The following ASIC2 variants were observed in gnomAD, a reference collection of about 807,000 sequenced individuals.
The protein encoded by ASIC2 is acid sensing ion channel subunit 2.
A neutral mutation model predicts 57.3 loss-of-function variants in ASIC2; 25 were observed. The ratio of observed to expected loss-of-function variants is 0.44; its 90% CI spans 0.32 to 0.61. ASIC2 has a LOEUF of 0.61. Ranked by LOEUF, ASIC2 falls within the 20% of genes least tolerant of loss-of-function variation. The pLI is 0.06. For missense variants in ASIC2, 641 were observed against 738.1 expected (o/e 0.87, Z 1.52); for synonymous variants, 319 against 307.5 (o/e 1.04, Z -0.39).
At chr17:33,748,481 A>T (rs548585696) in intron 1 of ASIC2, among the ~76,000 whole-genome samples, 8 of 152,366 alleles carry the variant, frequency 5.3e-5, no homozygotes, top group African/African-American at 1.9e-4. Flanking sequence ...AGTCCTGAGA[A>T]ATAATGGTGC....
chr17:33,964,799 C>T (rs1207858897), intron 1 of ASIC2, among the ~76,000 whole-genome samples: 1 of 152,204 alleles, frequency 6.6e-6, no homozygotes, highest in African/African-American at 2.4e-5. Context: ...CAGCCGCCTG[C>T]GGTGGTGGGA....
At chr17:33,120,281 AG>A (rs2092296748) in intron 1 of ASIC2, among the ~76,000 whole-genome samples, 1 of 152,168 alleles carries the variant, frequency 6.6e-6, no homozygotes, top group African/African-American at 2.4e-5. Context: ...CCAAGACTGA[AG>A]CACAGCCGGG....
At chr17:33,817,966 C>CAG (rs1912636482) in intron 1 of ASIC2, among the ~76,000 whole-genome samples, 6 of 152,080 alleles carry the variant, frequency 3.9e-5, no homozygotes, top group African/African-American at 1.4e-4. Context: ...TTTCGGGGTA[C>CAG]CACATTTCTT....
At chr17:34,084,396 T>C (rs1167164799) in intron 1 of ASIC2, among the ~76,000 whole-genome samples, 1 of 152,276 alleles carries the variant, frequency 6.6e-6, no homozygotes, top group Non-Finnish European at 1.5e-5. Flanking sequence ...TCTGTTCCAT[T>C]GATCTATATC....
At chr17:34,039,928 C>G (rs1179439595) in intron 1 of ASIC2, 1 of 1,465,914 alleles carries the variant, frequency 6.8e-7, no homozygotes, top group Non-Finnish European at 9.5e-7. Context: ...GGGACCCCGA[C>G]CCGACCCGGC....
At chr17:33,613,998 T>C (rs1032902242) in intron 1 of ASIC2, among the ~76,000 whole-genome samples, 3 of 152,332 alleles carry the variant, frequency 2.0e-5, no homozygotes, top group Non-Finnish European at 4.4e-5. Context: ...GATTCTTGGG[T>C]TGAATGGGAT....
rs1433111830 is a variant in ASIC2 at position 33,637,121 on chromosome 17, A to AT, written c.555+518856dup. 3.3e-5 allele frequency among the ~76,000 whole-genome samples: 5 copies of AT among 151,852 alleles called. No individual in the cohort carries two copies. The East Asian group carries it at 9.6e-4, about 29-fold the overall frequency. ...AAGCTCCCTTAGAAAAAAAGCTAAG[A>AT]TTTTTTTCTAAGCTCAGAGGCTAAA... On this transcript the variant is annotated intron_variant, in intron 1 of 9. Coordinates refer to the ASIC2 transcript ENST00000359872.
intron 1 of ASIC2, among the ~76,000 whole-genome samples, chr17:33,751,626 C>A (rs1275385360): frequency 2.0e-5 from 3 of 152,084 alleles, no homozygotes; most frequent in African/African-American, 2.4e-5. Context: ...CCATCCCTCA[C>A]GCTTTCATCC....
At chr17:33,020,774 C>T (rs1359178298) in intron 7 of ASIC2, among the ~76,000 whole-genome samples, 1 of 152,090 alleles carries the variant, frequency 6.6e-6, no homozygotes, top group East Asian at 1.9e-4. Context: ...GGGTGAAGTT[C>T]CATCAGGGCC....
At chr17:34,072,922 T>C (rs1167316765) in intron 1 of ASIC2, among the ~76,000 whole-genome samples, 1 of 152,182 alleles carries the variant, frequency 6.6e-6, no homozygotes, top group Non-Finnish European at 1.5e-5. Context: ...CGTGCCCTGG[T>C]ACTAAATTTT....
chr17:33,042,996 G>T (rs559034587), intron 3 of ASIC2, among the ~76,000 whole-genome samples: 3 of 151,460 alleles, frequency 2.0e-5, no homozygotes, highest in African/African-American at 7.3e-5. Flanking sequence ...GTGCAATCTC[G>T]GCTCACCTCA....
chr17:33,852,468 A>C (rs1403931751), intron 1 of ASIC2, among the ~76,000 whole-genome samples: 1 of 152,208 alleles, frequency 6.6e-6, no homozygotes, highest in African/African-American at 2.4e-5. Flanking sequence ...AGCACCAATT[A>C]TGTGAAGGCA....
intron 1 of ASIC2, among the ~76,000 whole-genome samples, chr17:33,591,954 C>T (rs1025826637): frequency 1.3e-5 from 2 of 152,180 alleles, no homozygotes; most frequent in Admixed American, 6.5e-5. Context: ...ATCTGCCATA[C>T]CTGCCCTGCC....
intron 1 of ASIC2, among the ~76,000 whole-genome samples, chr17:33,149,960 G>T (rs1234841931): frequency 6.6e-6 from 1 of 152,090 alleles, no homozygotes; most frequent in African/African-American, 2.4e-5. Context: ...TAATTCATGA[G>T]GTTCATAACA....
rs143006363 is a variant in ASIC2, at chr17:33,551,752, G to A, written c.556-439685C>T. ...ATGCCATAGCCATCAGGATCCCTTC[G>A]ATGTAAAAGCCAGATATTGTCCTCA... On this transcript the variant is annotated intron_variant, in intron 1 of 9. Transcript: ENST00000359872. Among the ~76,000 whole-genome samples the A allele has an allele frequency of 3.1e-3, 468 of 152,228 alleles. 3 individuals carry two copies. Among genetic ancestry groups the A allele is most frequent in the African/African-American group, 0.01 (435 of 41,532 alleles).
intron 1 of ASIC2, among the ~76,000 whole-genome samples, chr17:33,572,981 CTA>C (rs1403014812): frequency 6.6e-6 from 1 of 152,190 alleles, no homozygotes; most frequent in Non-Finnish European, 1.5e-5. Flanking sequence ...TTGGAGTTGA[CTA>C]TGAAATGAAC....
chr17:33,841,274 G>A (rs1387727804), intron 1 of ASIC2, among the ~76,000 whole-genome samples: 3 of 152,224 alleles, frequency 2.0e-5, no homozygotes, highest in Non-Finnish European at 2.9e-5. Flanking sequence ...GACTCCAGAG[G>A]TCTCTGCCAT....
intron 1 of ASIC2, among the ~76,000 whole-genome samples, chr17:33,455,090 G>C (rs1026055097): frequency 6.6e-6 from 1 of 152,246 alleles, no homozygotes; most frequent in Non-Finnish European, 1.5e-5. Context: ...TTGGAGAGGA[G>C]GCTTTTGTTG....
chr17:33,779,305 T>C (rs2142126903), intron 1 of ASIC2, among the ~76,000 whole-genome samples: 1 of 152,156 alleles, frequency 6.6e-6, no homozygotes, highest in East Asian at 1.9e-4. Flanking sequence ...CAGATGGCGG[T>C]GTTCAACACA....
Sources: allele counts gnomAD v4.1 joint callset (sites outside exome capture counted in the v4.1 genomes callset), GRCh38; gene constraint gnomAD v4.1.1; transcripts MANE v1.5; gene names NCBI Gene and HGNC (gene_info 2026-07-23, HGNC 2026-07-21).